RFX4: variants seen among roughly 807,000 people sequenced by gnomAD.
RFX4 encodes transcription factor RFX4.
A neutral mutation model predicts 95.0 loss-of-function variants in RFX4; 10 were observed. The observed-to-expected ratio is 0.11, with a 90% CI of 0.06 to 0.18. RFX4 has a LOEUF of 0.18. Among genes scored for constraint, RFX4 ranks in the 10% least tolerant of loss-of-function variants. The pLI is 1.00. For missense variants in RFX4, 640 were observed against 922.0 expected (o/e 0.69, Z 3.96); for synonymous variants, 321 against 340.7 (o/e 0.94, Z 0.64).
chr12:106,692,566 A>C (rs2041805212), intron 7 of RFX4, among the ~76,000 whole-genome samples: 1 of 152,174 alleles, frequency 6.6e-6, no homozygotes, highest in Non-Finnish European at 1.5e-5. Flanking sequence ...GAAATAGAAA[A>C]TTTGCTTGGT....
intron 1 of RFX4, among the ~76,000 whole-genome samples, chr12:106,589,303 A>G (rs1206082760): frequency 6.6e-6 from 1 of 152,222 alleles, no homozygotes. Flanking sequence ...CAGACCCTGA[A>G]GATGAACAAG....
intron 2 of RFX4, among the ~76,000 whole-genome samples, chr12:106,610,065 C>G (rs1282936385): frequency 6.6e-6 from 1 of 151,580 alleles, no homozygotes; most frequent in African/African-American, 2.4e-5. Flanking sequence ...GTTTACAGAT[C>G]CTTTTAAGTG....
At chr12:106,610,895 G>A (rs1026735638) in intron 2 of RFX4, among the ~76,000 whole-genome samples, 13 of 152,120 alleles carry the variant, frequency 8.5e-5, no homozygotes, top group African/African-American at 2.9e-4. Flanking sequence ...CCACAAAACT[G>A]GTTTTCATAG....
chr12:106,759,084 A>G (rs539423433), intron 17 of RFX4, among the ~76,000 whole-genome samples: 1 of 152,350 alleles, frequency 6.6e-6, no homozygotes, highest in Non-Finnish European at 1.5e-5. Flanking sequence ...AGAAAGACCT[A>G]GCTAGCTGCC....
At position 106,750,673 on chromosome 12, in the gene RFX4, C is replaced by T. The variant is rs755567057; in HGVS notation, c.1815C>T (p.Asn605=). 2 of 1,607,114 alleles carry T rather than the reference C, an allele frequency of 1.2e-6. No homozygotes were observed. Among genetic ancestry groups the T allele is most frequent in the South Asian group, 2.2e-5 (2 of 90,022 alleles). ...REEHGYTGSY[N]YGSYGNQHPH... is the part of the protein sequence containing the mutation. ...ATTTTAGATACACGGGAAGCTATAACTATGGGAGCTATGGCAACCAGCATC... is the reference window on the plus strand; with the variant it reads ...ATTTTAGATACACGGGAAGCTATAATTATGGGAGCTATGGCAACCAGCATC... The change falls in exon 17 of 18, where the codon AAC becomes AAT. Residue 605 remains asparagine, a synonymous_variant. Transcript: ENST00000392842.
chr12:106,677,746 A>C (rs1475928341), intron 4 of RFX4, among the ~76,000 whole-genome samples: 2 of 152,134 alleles, frequency 1.3e-5, no homozygotes, highest in Non-Finnish European at 2.9e-5. Flanking sequence ...TGAGGCAACA[A>C]GACTGGTGGC....
chr12:106,719,567 T>A (rs1482270501), intron 11 of RFX4, among the ~76,000 whole-genome samples: 1 of 151,978 alleles, frequency 6.6e-6, no homozygotes, highest in Non-Finnish European at 1.5e-5. Flanking sequence ...GCTATGTGAG[T>A]GCAGAGGAGG....
intron 3 of RFX4, among the ~76,000 whole-genome samples, chr12:106,649,360 A>G (rs1041180736): frequency 1.3e-5 from 2 of 152,230 alleles, no homozygotes; most frequent in African/African-American, 4.8e-5. Context: ...GGGCCCTTCC[A>G]TGCCAATTAC....
chr12:106,696,472 T>C, intron 8 of RFX4, 26 bp downstream of exon 8: 1 of 1,613,218 alleles, frequency 6.2e-7, no homozygotes, highest in Non-Finnish European at 8.5e-7. Context: ...CTTGTCTTCC[T>C]TCACGGCTGG....
chr12:106,639,194 G>T, intron 2 of RFX4, 138 bp from the exon 3 acceptor site: 2 of 684,324 alleles, frequency 2.9e-6, no homozygotes, highest in Non-Finnish European at 2.4e-6. Context: ...CTAACATGTT[G>T]GAAAAGCCAA....
rs150478900 is a variant in RFX4 at position 106,705,460 on chromosome 12, A to G, written c.834-3870A>G. On this transcript the variant is annotated intron_variant, in intron 8 of 17. Coordinates refer to ENST00000392842, the MANE Select transcript of RFX4 (RefSeq NM_213594.3). ...AAAGAGGTGGAGGGAAAGCGGAGGAAGGAGGTCGAGCTGCAGGTATACACC... is the reference window on the plus strand; with the variant it reads ...AAAGAGGTGGAGGGAAAGCGGAGGAGGGAGGTCGAGCTGCAGGTATACACC... 3.9e-5 allele frequency among the ~76,000 whole-genome samples: 6 copies of G among 152,028 alleles called. No homozygotes were observed. The East Asian group carries it at 1.2e-3, about 29-fold the overall frequency.
At chr12:106,729,843 T>A (rs548808847) in intron 13 of RFX4, among the ~76,000 whole-genome samples, 1 of 152,194 alleles carries the variant, frequency 6.6e-6, no homozygotes, top group Non-Finnish European at 1.5e-5. Context: ...ACAGCGCATG[T>A]AATTACCCAC....
At chr12:106,661,791 T>C (rs568937635) in intron 4 of RFX4, among the ~76,000 whole-genome samples, 1 of 152,330 alleles carries the variant, frequency 6.6e-6, no homozygotes, top group African/African-American at 2.4e-5. Context: ...TTCTCCAGAA[T>C]GTCATATAGC....
chr12:106,610,417 C>T (rs1303347250), intron 2 of RFX4, among the ~76,000 whole-genome samples: 1 of 152,152 alleles, frequency 6.6e-6, no homozygotes, highest in Non-Finnish European at 1.5e-5. Flanking sequence ...CCAGAGCTTT[C>T]TTCATCTTCC....
intron 15 of RFX4, among the ~76,000 whole-genome samples, chr12:106,741,034 G>A (rs2042795390): frequency 6.6e-6 from 1 of 152,132 alleles, no homozygotes; most frequent in South Asian, 2.1e-4. Flanking sequence ...ATAGGCAGAG[G>A]CTAGATTATG....
At chr12:106,646,835 G>A (rs574847551) in intron 3 of RFX4, among the ~76,000 whole-genome samples, 1 of 152,308 alleles carries the variant, frequency 6.6e-6, no homozygotes, top group African/African-American at 2.4e-5. Flanking sequence ...TGACTCCCCA[G>A]GGAAATCCTC....
intron 13 of RFX4, among the ~76,000 whole-genome samples, chr12:106,724,673 A>G (rs894507421): frequency 2.6e-5 from 4 of 152,208 alleles, no homozygotes; most frequent in African/African-American, 9.6e-5. Flanking sequence ...ATACAAAGAC[A>G]GAATTTGGCA....
chr12:106,590,666 C>G (rs936441047), intron 1 of RFX4, among the ~76,000 whole-genome samples: 1 of 152,200 alleles, frequency 6.6e-6, no homozygotes, highest in Non-Finnish European at 1.5e-5. Flanking sequence ...GATATAATGG[C>G]CAGGTGCTGT....
chr12:106,616,012 G>C (rs2040065577), intron 2 of RFX4, among the ~76,000 whole-genome samples: 1 of 152,192 alleles, frequency 6.6e-6, no homozygotes, highest in African/African-American at 2.4e-5. Context: ...GTGATGTGGT[G>C]ATAGTGGACA....
Sources: gnomAD v4.1 joint callset for allele counts (sites outside exome capture counted in the v4.1 genomes callset) on GRCh38, gnomAD v4.1.1 for gene constraint, MANE v1.5 for transcripts, NCBI Gene and HGNC (gene_info 2026-07-23, HGNC 2026-07-21) for gene names.